The following SORCS1 variants were observed in gnomAD, a reference collection of about 807,000 sequenced individuals.
SORCS1 encodes sortilin related VPS10 domain containing receptor 1.
SORCS1 carries 60 observed loss-of-function variants against 146.1 expected under a neutral mutation model. The ratio of observed to expected loss-of-function variants is 0.41; its 90% CI spans 0.33 to 0.51. SORCS1 has a LOEUF of 0.51. Ranked by LOEUF, SORCS1 falls within the 20% of genes least tolerant of loss-of-function variation. SORCS1 has a pLI of 0.21. For missense variants in SORCS1, 1,352 were observed against 1,487.6 expected, an observed-to-expected ratio of 0.91 and a Z score of 1.50; for synonymous variants, 637 against 584.0, an observed-to-expected ratio of 1.09 and a Z score of -1.31.
At chr10:107,172,722 T>C in the SORCS1 span, among the ~76,000 whole-genome samples, 1 of 152,144 alleles carries the variant, frequency 6.6e-6, no homozygotes, top group African/African-American at 2.4e-5. Context: ...TGTCAGATGA[T>C]CAGCACTAGA....
Position 106,602,512 on chromosome 10 carries a change from AACACACACACACAC to A in SORCS1, c.3165+4640_3165+4653del, listed in dbSNP as rs66699179. The stretch of plus-strand genomic sequence containing the variant: ...CAGTAGCTCAATTTCATTCCTTCAT[AACACACACACACAC>A]ACACACACACACACACACACACACA... On this transcript the variant is annotated intron_variant, in intron 23 of 25. Transcript: ENST00000263054. Among the ~76,000 whole-genome samples, 974 of 138,852 alleles carry A rather than the reference AACACACACACACAC, an allele frequency of 7.0e-3. 8 individuals are homozygous for A. The highest frequency in any genetic ancestry group is 0.025 in the African/African-American group (924 of 37,292). 91.1% of individuals were successfully genotyped at this position (138,852 alleles called of 152,430 possible).
intron 18 of SORCS1, among the ~76,000 whole-genome samples, chr10:106,634,967 T>G (rs781365306): frequency 1.3e-5 from 2 of 152,172 alleles, no homozygotes; most frequent in Non-Finnish European, 1.5e-5. Flanking sequence ...AGACACAGAA[T>G]TGAGAAGACT....
chr10:106,629,769 G>T (rs1848326427), intron 18 of SORCS1, among the ~76,000 whole-genome samples: 1 of 152,234 alleles, frequency 6.6e-6, no homozygotes, highest in Non-Finnish European at 1.5e-5. Flanking sequence ...ACCTGGGTCA[G>T]GCACAGTGGC....
chr10:106,660,657 T>C (rs560791087), intron 17 of SORCS1, among the ~76,000 whole-genome samples: 2 of 152,018 alleles, frequency 1.3e-5, no homozygotes, highest in South Asian at 2.1e-4. Context: ...AATATCCCCA[T>C]TGGAATCTCT....
At chr10:106,959,534 T>A (rs1955125884) in intron 1 of SORCS1, among the ~76,000 whole-genome samples, 1 of 152,226 alleles carries the variant, frequency 6.6e-6, no homozygotes, top group Admixed American at 6.5e-5. Flanking sequence ...AATCAGTTTC[T>A]GTTAAGGGAT....
chr10:106,712,824 C>T (rs1308424664), intron 6 of SORCS1, among the ~76,000 whole-genome samples: 1 of 152,056 alleles, frequency 6.6e-6, no homozygotes, highest in Non-Finnish European at 1.5e-5. Flanking sequence ...TACTGAACAC[C>T]CATTGTTCTC....
intron 2 of SORCS1, among the ~76,000 whole-genome samples, chr10:106,867,872 T>G (rs1262496298): frequency 6.6e-6 from 1 of 152,160 alleles, no homozygotes; most frequent in African/African-American, 2.4e-5. Flanking sequence ...CAACCTTGAA[T>G]GTAAACTGGC....
rs1848334305 is a variant in SORCS1, at chr10:106,629,880, C to T, written c.2476-492G>A. On this transcript the variant is annotated intron_variant, in intron 18 of 25. Coordinates refer to ENST00000263054, the MANE Select transcript of SORCS1 (RefSeq NM_052918.5). ...CCAACATGGTGAAACCCCGTCTCTA[C>T]TAAAAATACAAAAATTAGCTGGGCG... Among the ~76,000 whole-genome samples the T allele has an allele frequency of 2.0e-5, 3 of 152,126 alleles. No homozygotes were observed. In the South Asian group the frequency reaches 6.2e-4, roughly 32 times the overall value.
Position 106,933,149 on chromosome 10 carries a change from T to C in SORCS1, c.626+23364A>G, listed in dbSNP as rs374750996. 2.0e-4 allele frequency among the ~76,000 whole-genome samples: 31 copies of C among 152,354 alleles called. No individual in the cohort carries two copies. In the South Asian group the frequency reaches 5.8e-3, roughly 29 times the overall value. Reference sequence around the variant, plus strand: ...TGGCAAGATGGGAGAACATGTTCACTGAAACTAGGAAGCCCAGAAATAAGG... The same window carrying C: ...TGGCAAGATGGGAGAACATGTTCACCGAAACTAGGAAGCCCAGAAATAAGG... On this transcript the variant is annotated intron_variant, in intron 2 of 25. Transcript: ENST00000263054.
intron 2 of SORCS1, among the ~76,000 whole-genome samples, chr10:106,933,274 G>A (rs989237082): frequency 1.7e-4 from 26 of 152,116 alleles, no homozygotes; most frequent in Admixed American, 1.6e-3. Flanking sequence ...AAATCACCTG[G>A]GTAGCTTTTA....
At chr10:106,927,618 T>C (rs1324508253) in intron 2 of SORCS1, among the ~76,000 whole-genome samples, 1 of 152,136 alleles carries the variant, frequency 6.6e-6, no homozygotes, top group Non-Finnish European at 1.5e-5. Context: ...AGCCAAGGGG[T>C]CTGTTTTGAC....
At chr10:106,796,341 T>A (rs2136580417) in intron 3 of SORCS1, among the ~76,000 whole-genome samples, 1 of 152,310 alleles carries the variant, frequency 6.6e-6, no homozygotes, top group South Asian at 2.1e-4. Context: ...TATAGAAACT[T>A]CAGCATGTTT....
intron 20 of SORCS1, among the ~76,000 whole-genome samples, chr10:106,619,874 G>T (rs1010484995): frequency 2.6e-5 from 4 of 152,200 alleles, no homozygotes; most frequent in Non-Finnish European, 4.4e-5. Context: ...AGTTAAAGCT[G>T]ACCTAAATAA....
chr10:106,962,147 C>G (rs914829072), intron 1 of SORCS1, among the ~76,000 whole-genome samples: 1 of 151,896 alleles, frequency 6.6e-6, no homozygotes, highest in African/African-American at 2.4e-5. Context: ...TGCCTGTAAT[C>G]CCAGCAATTT....
chr10:107,031,024 T>C (rs965428443), intron 1 of SORCS1, among the ~76,000 whole-genome samples: 4 of 152,234 alleles, frequency 2.6e-5, no homozygotes, highest in African/African-American at 9.6e-5. Context: ...CTGTTCACAG[T>C]TCTCAAGCTG....
chr10:106,808,527 G>C (rs1445245188), intron 3 of SORCS1, among the ~76,000 whole-genome samples: 1 of 152,078 alleles, frequency 6.6e-6, no homozygotes, highest in Non-Finnish European at 1.5e-5. Flanking sequence ...ATGTGAGGCG[G>C]AGTGTCGCTC....
chr10:106,753,933 A>G (rs537280004), intron 5 of SORCS1, among the ~76,000 whole-genome samples: 71 of 152,328 alleles, frequency 4.7e-4, no homozygotes, highest in African/African-American at 1.7e-3. Flanking sequence ...ACTAGTGGGA[A>G]ACATTAGGCA....
At chr10:107,048,740 A>G (rs1170683078) in intron 1 of SORCS1, among the ~76,000 whole-genome samples, 1 of 152,184 alleles carries the variant, frequency 6.6e-6, no homozygotes, top group Admixed American at 6.5e-5. Flanking sequence ...TGGATGGAGT[A>G]GAAAAGCAAT....
At chr10:107,029,229 T>C (rs1589968386) in intron 1 of SORCS1, among the ~76,000 whole-genome samples, 1 of 152,168 alleles carries the variant, frequency 6.6e-6, no homozygotes, top group African/African-American at 2.4e-5. Context: ...AGAGGATGTT[T>C]TGGTCATTCA....
Sources: allele counts gnomAD v4.1 joint callset (sites outside exome capture counted in the v4.1 genomes callset), GRCh38; gene constraint gnomAD v4.1.1; transcripts MANE v1.5; gene names NCBI Gene and HGNC (gene_info 2026-07-23, HGNC 2026-07-21).